The following TCF20 variants were observed in gnomAD, a reference collection of about 807,000 sequenced individuals.
The protein encoded by TCF20 is transcription factor 20.
TCF20 carries 3 observed loss-of-function variants against 148.6 expected under a neutral mutation model. The observed-to-expected ratio is 0.02, with a 90% CI of 0.01 to 0.05. TCF20 has a LOEUF of 0.05. Among genes scored for constraint, TCF20 ranks in the 10% least tolerant of loss-of-function variants. TCF20 has a pLI of 1.00. For missense variants in TCF20, 2,350 were observed against 2,429.3 expected (o/e 0.97, Z 0.69); for synonymous variants, 1,049 against 909.5 (o/e 1.15, Z -2.76).
At chr22:42,271,724 C>T (rs1274542452), upstream of TCF20, among the ~76,000 whole-genome samples, 1 of 152,174 alleles carries the variant, frequency 6.6e-6, no homozygotes, top group Non-Finnish European at 1.5e-5. Context: ...CTAAATTAGG[C>T]TCCCATCTGT....
chr22:42,216,918 C>A (rs1163416107), intron 1 of TCF20, among the ~76,000 whole-genome samples: 2 of 152,102 alleles, frequency 1.3e-5, no homozygotes, highest in African/African-American at 2.4e-5. Context: ...CCAAATTGCT[C>A]CAAGTGACTT....
At chr22:42,163,397 G>A (rs549032440) in intron 5 of TCF20, among the ~76,000 whole-genome samples, 2 of 152,322 alleles carry the variant, frequency 1.3e-5, no homozygotes, top group East Asian at 3.9e-4. Context: ...CCAAACACAC[G>A]ATATCCTGAA....
At chr22:42,176,450 G>A (rs575746736) in intron 3 of TCF20, among the ~76,000 whole-genome samples, 8 of 152,246 alleles carry the variant, frequency 5.3e-5, no homozygotes, top group African/African-American at 1.4e-4. Flanking sequence ...TATGCCTCAC[G>A]CCTGTTCCCA....
intron 1 of TCF20, among the ~76,000 whole-genome samples, chr22:42,303,910 A>G (rs937068501): frequency 1.3e-5 from 2 of 151,446 alleles, no homozygotes; most frequent in Non-Finnish European, 1.5e-5. Context: ...GAGAGAGAGA[A>G]GAGAGAATGG....
At chr22:42,200,901 TTAAAGGC>T (rs1937965582) in intron 2 of TCF20, among the ~76,000 whole-genome samples, 1 of 152,204 alleles carries the variant, frequency 6.6e-6, no homozygotes, top group Admixed American at 6.5e-5. Context: ...TGCCCGTAAA[TTAAAGGC>T]TAAATCCTTC....
chr22:42,172,568 C>T (rs1936195997), intron 3 of TCF20, among the ~76,000 whole-genome samples: 1 of 152,192 alleles, frequency 6.6e-6, no homozygotes, highest in Admixed American at 6.5e-5. Flanking sequence ...CATCAACCCC[C>T]AGAAGAGAAG....
At chr22:42,191,784 C>T (rs1012389760) in intron 2 of TCF20, among the ~76,000 whole-genome samples, 1 of 152,110 alleles carries the variant, frequency 6.6e-6, no homozygotes, top group African/African-American at 2.4e-5. Context: ...TGCTAGAGTC[C>T]AGGACTAGGT....
intron 1 of TCF20, among the ~76,000 whole-genome samples, chr22:42,245,728 C>G (rs999618127): frequency 1.3e-5 from 2 of 152,154 alleles, no homozygotes; most frequent in African/African-American, 4.8e-5. Flanking sequence ...GTAGAATTAA[C>G]CAATGTTTTC....
chr22:42,230,010 T>C (rs919912860), intron 1 of TCF20, among the ~76,000 whole-genome samples: 5 of 152,196 alleles, frequency 3.3e-5, no homozygotes, highest in African/African-American at 1.2e-4. Flanking sequence ...CCAATCCAGC[T>C]TGCATTTCAG....
intron 1 of TCF20, among the ~76,000 whole-genome samples, chr22:42,231,169 G>T (rs751457423): frequency 6.6e-6 from 1 of 151,932 alleles, no homozygotes; most frequent in Non-Finnish European, 1.5e-5. Context: ...CTCAAATAAT[G>T]ATAATAAATA....
At chr22:42,169,520 T>C (rs1323169550) in intron 4 of TCF20, among the ~76,000 whole-genome samples, 4 of 152,240 alleles carry the variant, frequency 2.6e-5, no homozygotes, top group Admixed American at 1.3e-4. Flanking sequence ...AACCTGTGAA[T>C]TGGGGTTCTA....
At chr22:42,266,951 T>C (rs750508176) in intron 1 of TCF20, among the ~76,000 whole-genome samples, 11 of 152,108 alleles carry the variant, frequency 7.2e-5, no homozygotes, top group African/African-American at 2.2e-4. Flanking sequence ...ACAAGTGTAA[T>C]ATACATGTGA....
At chr22:42,314,562 G>A (rs756958278) in intron 1 of TCF20, among the ~76,000 whole-genome samples, 23 of 152,200 alleles carry the variant, frequency 1.5e-4, no homozygotes, top group East Asian at 3.9e-4. Flanking sequence ...ATTACCAGGC[G>A]GGAAGAGGAA....
At chr22:42,162,050 G>A (rs146771028) in intron 5 of TCF20, among the ~76,000 whole-genome samples, 3,363 of 129,116 alleles carry the variant, frequency 0.026, 64 homozygotes, top group Middle Eastern at 0.13. Flanking sequence ...GTGTGCTCTT[G>A]GCTCACTGCA....
At chr22:42,306,939 T>C (rs1192020421) in intron 1 of TCF20, among the ~76,000 whole-genome samples, 2 of 150,676 alleles carry the variant, frequency 1.3e-5, no homozygotes, top group African/African-American at 4.9e-5. Flanking sequence ...CTCGGGATGC[T>C]GAGGCACGAG....
At chr22:42,161,972 CTTTTTTTTTTTT>C (rs3045573) in intron 5 of TCF20, among the ~76,000 whole-genome samples, 45 of 75,024 alleles carry the variant, frequency 6.0e-4, no homozygotes, top group Non-Finnish European at 7.3e-4. Flanking sequence ...TAATGACAGT[CTTTTTTTTTTTT>C]TTTTTTTTTT....
intron 1 of TCF20, among the ~76,000 whole-genome samples, chr22:42,296,397 C>T (rs1927237520): frequency 1.3e-5 from 2 of 152,234 alleles, no homozygotes; most frequent in South Asian, 2.1e-4. Context: ...CCTGCAACGG[C>T]GCCAACTTGG....
At chr22:42,243,885 A>G (rs1924683914) in intron 1 of TCF20, among the ~76,000 whole-genome samples, 1 of 152,196 alleles carries the variant, frequency 6.6e-6, no homozygotes, top group Admixed American at 6.5e-5. Flanking sequence ...ACCCATAGGT[A>G]TGGCTATAGG....
intron 1 of TCF20, among the ~76,000 whole-genome samples, chr22:42,247,140 C>A (rs760090265): frequency 1.4e-4 from 22 of 151,808 alleles, no homozygotes; most frequent in Non-Finnish European, 2.5e-4. Context: ...ATATAACTAT[C>A]TCAAAAGATG....
Sources: allele counts gnomAD v4.1 joint callset (sites outside exome capture counted in the v4.1 genomes callset), GRCh38; gene constraint gnomAD v4.1.1; transcripts MANE v1.5; gene names NCBI Gene and HGNC (gene_info 2026-07-23, HGNC 2026-07-21).